CSMD1: variants seen among roughly 807,000 people sequenced by gnomAD.
The protein encoded by CSMD1 is CUB and Sushi multiple domains 1.
In CSMD1, 213 loss-of-function variants were observed where a neutral mutation model predicts 417.5. The observed-to-expected ratio is 0.51, with a 90% CI of 0.46 to 0.57. The LOEUF is 0.57. Among genes scored for constraint, CSMD1 ranks in the 20% least tolerant of loss-of-function variants. The pLI, the probability that CSMD1 is intolerant of heterozygous loss-of-function variation, is 0.00. For missense variants in CSMD1, 6,923 were observed against 4,529.7 expected (o/e 1.53, Z -15.17); for synonymous variants, 2,862 against 1,736.8 (o/e 1.65, Z -16.11).
At chr8:4,480,472 G>C (rs1385752175) in intron 2 of CSMD1, among the ~76,000 whole-genome samples, 1 of 152,140 alleles carries the variant, frequency 6.6e-6, no homozygotes, top group Non-Finnish European at 1.5e-5. Context: ...AAAAAAGCAG[G>C]GGCCTCAGCT....
intron 2 of CSMD1, among the ~76,000 whole-genome samples, chr8:4,619,273 A>C (rs1801641744): frequency 6.6e-6 from 1 of 152,180 alleles, no homozygotes; most frequent in South Asian, 2.1e-4. Context: ...AATGCTGTTA[A>C]ATAAATGCAT....
chr8:4,545,874 C>G (rs78956158), intron 2 of CSMD1, among the ~76,000 whole-genome samples: 1 of 152,152 alleles, frequency 6.6e-6, no homozygotes, highest in African/African-American at 2.4e-5. Flanking sequence ...TGTCCTCTAT[C>G]CCCTATATTT....
At chr8:4,061,689 T>C (rs77366994) in intron 3 of CSMD1, among the ~76,000 whole-genome samples, 1,615 of 152,334 alleles carry the variant, frequency 0.011, 51 homozygotes, top group East Asian at 0.08. Context: ...ATATCTTTTA[T>C]GATTTTTCAA....
intron 1 of CSMD1, among the ~76,000 whole-genome samples, chr8:4,937,552 C>A (rs1376329742): frequency 6.6e-6 from 1 of 152,158 alleles, no homozygotes; most frequent in East Asian, 1.9e-4. Context: ...GTACCAAATT[C>A]CTCTTTCTGT....
chr8:3,331,542 G>A (rs1013021260), intron 23 of CSMD1, among the ~76,000 whole-genome samples: 5 of 152,096 alleles, frequency 3.3e-5, no homozygotes, highest in African/African-American at 4.8e-5. Flanking sequence ...TGGAACCCTC[G>A]GTTTCCTGTC....
At chr8:3,302,502 T>C (rs1036830805) in intron 25 of CSMD1, among the ~76,000 whole-genome samples, 1 of 152,222 alleles carries the variant, frequency 6.6e-6, no homozygotes, top group African/African-American at 2.4e-5. Context: ...ATATCACTTC[T>C]CATTTCTTCC....
At chr8:4,906,804 T>A (rs1805311949) in intron 1 of CSMD1, among the ~76,000 whole-genome samples, 1 of 152,204 alleles carries the variant, frequency 6.6e-6, no homozygotes. Flanking sequence ...GTGATCTGCC[T>A]GCCTCGGCCT....
At chr8:3,614,889 A>G (rs1802061890) in intron 8 of CSMD1, among the ~76,000 whole-genome samples, 2 of 152,154 alleles carry the variant, frequency 1.3e-5, no homozygotes, top group Non-Finnish European at 2.9e-5. Context: ...CAACTCTGAC[A>G]AAGGGGCACA....
chr8:4,437,021 C>G (rs1271675677), intron 2 of CSMD1, among the ~76,000 whole-genome samples: 2 of 152,142 alleles, frequency 1.3e-5, no homozygotes, highest in Admixed American at 6.5e-5. Context: ...CTCTCTATCC[C>G]TGAGATTGAG....
intron 3 of CSMD1, among the ~76,000 whole-genome samples, chr8:4,051,227 G>C (rs1276740604): frequency 6.6e-6 from 1 of 151,544 alleles, no homozygotes; most frequent in East Asian, 1.9e-4. Flanking sequence ...GACCAGGCCT[G>C]TGGGAACAAT....
At chr8:3,349,864 TAA>T (rs1400121387) in intron 21 of CSMD1, among the ~76,000 whole-genome samples, 25 of 98,124 alleles carry the variant, frequency 2.5e-4, no homozygotes, top group African/African-American at 7.8e-4. Context: ...TATAATTATA[TAA>T]ATATATTTAT....
chr8:4,988,395 T>C (rs1463772192), intron 1 of CSMD1, among the ~76,000 whole-genome samples: 1 of 152,218 alleles, frequency 6.6e-6, no homozygotes, highest in Admixed American at 6.5e-5. Context: ...TTTCAACCAG[T>C]AAATTGCAAA....
chr8:3,670,501 CATATAT>C (rs374623101), intron 7 of CSMD1, among the ~76,000 whole-genome samples: 18 of 125,098 alleles, frequency 1.4e-4, no homozygotes, highest in Non-Finnish European at 2.5e-4. Flanking sequence ...ATATATATCC[CATATAT>C]ATATATATAT....
intron 49 of CSMD1, 127 bp from the exon 50 acceptor site, chr8:3,052,774 TTTTTTTCTTTC>T (rs1811945618): frequency 3.2e-6 from 2 of 632,542 alleles, no homozygotes; most frequent in Non-Finnish European, 4.6e-6. Flanking sequence ...TATATTTCTT[TTTTTTTCTTTC>T]TTTTTTTTTT....
chr8:4,322,517 T>G (rs1345976994), intron 3 of CSMD1, among the ~76,000 whole-genome samples: 2 of 152,172 alleles, frequency 1.3e-5, no homozygotes, highest in Non-Finnish European at 2.9e-5. Context: ...CAGGGAAGGC[T>G]GTATAAAAAC....
intron 7 of CSMD1, among the ~76,000 whole-genome samples, chr8:3,647,303 G>C (rs1440636711): frequency 6.6e-6 from 1 of 152,212 alleles, no homozygotes; most frequent in Admixed American, 6.5e-5. Context: ...TCATGTGTGA[G>C]CCTGGGTTGT....
At chr8:3,784,424 T>A (rs543300299) in intron 5 of CSMD1, among the ~76,000 whole-genome samples, 22 of 152,334 alleles carry the variant, frequency 1.4e-4, no homozygotes, top group African/African-American at 5.3e-4. Context: ...ATTATGCTGT[T>A]TGGCCTTTCA....
intron 1 of CSMD1, among the ~76,000 whole-genome samples, chr8:4,875,232 G>A (rs1320118854): frequency 1.3e-5 from 2 of 151,938 alleles, no homozygotes; most frequent in Non-Finnish European, 2.9e-5. Context: ...ATAAGCATGA[G>A]AATTATATAT....
At chr8:3,921,417 T>C (rs1809254011) in intron 5 of CSMD1, among the ~76,000 whole-genome samples, 1 of 152,132 alleles carries the variant, frequency 6.6e-6, no homozygotes, top group Non-Finnish European at 1.5e-5. Flanking sequence ...ACTTGTATTA[T>C]TTTCTTTCTT....
Sources: allele counts gnomAD v4.1 joint callset (sites outside exome capture counted in the v4.1 genomes callset), GRCh38; gene constraint gnomAD v4.1.1; transcripts MANE v1.5; gene names NCBI Gene and HGNC (gene_info 2026-07-23, HGNC 2026-07-21).